The following CARNMT1 variants were observed in gnomAD, a reference collection of about 807,000 sequenced individuals.
The protein encoded by CARNMT1 is protein-L-histidine N-pros-methyltransferase CARNMT1.
Under a neutral mutation model 49.6 loss-of-function variants are expected in CARNMT1, and 28 were observed. The observed-to-expected ratio is 0.56, with a 90% CI of 0.42 to 0.77. CARNMT1 has a LOEUF of 0.77. Ranked by LOEUF, CARNMT1 falls within the 30% of genes least tolerant of loss-of-function variation. The probability of loss-of-function intolerance (pLI) is 0.00; values close to 1 mark genes in which losing one functional copy is unlikely to be tolerated. For missense variants in CARNMT1, 421 were observed against 512.6 expected, an observed-to-expected ratio of 0.82 and a Z score of 1.73; for synonymous variants, 178 against 175.0, an observed-to-expected ratio of 1.02 and a Z score of -0.13.
At chr9:74,985,071 A>G in intron 6 of CARNMT1, 61 bp from the exon 7 acceptor site, 1 of 1,244,140 alleles carries the variant, frequency 8.0e-7, no homozygotes, top group Non-Finnish European at 1.2e-6. Context: ...GCTGTGTTAC[A>G]CTGAATTCCA....
At position 74,996,407 on chromosome 9, in the gene CARNMT1, G is replaced by A. The variant is rs754525661; in HGVS notation, c.1024+40C>T. 6 of 1,013,682 alleles carry A rather than the reference G, an allele frequency of 5.9e-6. No homozygotes were observed. In the East Asian group the frequency reaches 1.4e-4, roughly 24 times the overall value. 62.8% of individuals were successfully genotyped at this position (1,013,682 alleles called of 1,614,324 possible). On this transcript the variant is annotated intron_variant, in intron 6 of 7. Coordinates refer to ENST00000376834, the MANE Select transcript of CARNMT1 (RefSeq NM_152420.3). ...AATGTAATACAGCTGTAAGTACTCA[G>A]ATTAATATACAAAATTTTAGTAAAT...
At position 74,999,133 on chromosome 9, in the gene CARNMT1, T is replaced by C. The variant is rs1306209890; in HGVS notation, c.732-357A>G. Among the ~76,000 whole-genome samples, 7 of 152,192 alleles carry C rather than the reference T, an allele frequency of 4.6e-5. No individual in the cohort carries two copies. The East Asian group carries it at 9.6e-4, about 21-fold the overall frequency. On this transcript the variant is annotated intron_variant, in intron 4 of 7. Coordinates refer to ENST00000376834, the MANE Select transcript of CARNMT1 (RefSeq NM_152420.3). ...GTTTGCTATTTTTTGTATAACCCTC[T>C]TCTTTTTTCCCTTTTTCACCAATCC...
intron 3 of CARNMT1, among the ~76,000 whole-genome samples, chr9:75,011,781 T>A (rs1191910614): frequency 1.3e-5 from 2 of 152,188 alleles, no homozygotes; most frequent in Non-Finnish European, 2.9e-5. Context: ...GGGTTGCCTC[T>A]AGGAGATGAG....
intron 3 of CARNMT1, among the ~76,000 whole-genome samples, chr9:75,009,060 CTTTTTTTTTTT>C (rs752851220): frequency 8.0e-6 from 1 of 125,516 alleles, no homozygotes; most frequent in Admixed American, 8.1e-5. Flanking sequence ...AAAGGACAGT[CTTTTTTTTTTT>C]TTTTTTTTTT....
chr9:75,025,683 A>G (rs900225409), intron 1 of CARNMT1, among the ~76,000 whole-genome samples: 2 of 152,170 alleles, frequency 1.3e-5, no homozygotes, highest in South Asian at 2.1e-4. Context: ...CAATTTTCCA[A>G]TATGTTTATT....
chr9:75,008,186 A>AC (rs1407602111), intron 3 of CARNMT1, among the ~76,000 whole-genome samples: 5 of 151,268 alleles, frequency 3.3e-5, no homozygotes, highest in African/African-American at 9.7e-5. Flanking sequence ...AAAAAAAAAA[A>AC]AAAAAAAAAA....
chr9:75,027,477 A>C, intron 1 of CARNMT1: 2 of 985,386 alleles, frequency 2.0e-6, no homozygotes, highest in South Asian at 9.4e-5. Flanking sequence ...GCTCACACAA[A>C]AGTGCAAGTG....
At chr9:74,987,475 T>C (rs993280256) in intron 6 of CARNMT1, among the ~76,000 whole-genome samples, 1 of 152,132 alleles carries the variant, frequency 6.6e-6, no homozygotes, top group African/African-American at 2.4e-5. Flanking sequence ...CAACAGTACA[T>C]GCAACAAAAT....
At chr9:75,012,768 AT>A (rs1018581767) in intron 3 of CARNMT1, among the ~76,000 whole-genome samples, 2 of 150,440 alleles carry the variant, frequency 1.3e-5, no homozygotes, top group Non-Finnish European at 3.0e-5. Flanking sequence ...AAAAAAAAAA[AT>A]TAGCCAGGCG....
At chr9:74,987,069 C>T (rs1423024340) in intron 6 of CARNMT1, among the ~76,000 whole-genome samples, 1 of 152,134 alleles carries the variant, frequency 6.6e-6, no homozygotes, top group East Asian at 1.9e-4. Context: ...TCTTGAAGGC[C>T]AGAGAATAAA....
intron 3 of CARNMT1, among the ~76,000 whole-genome samples, chr9:75,002,423 CCACTAACTA>C (rs1298059261): frequency 2.6e-5 from 4 of 152,188 alleles, no homozygotes; most frequent in African/African-American, 9.7e-5. Context: ...ACAGTAAAAG[CCACTAACTA>C]CATGTGGCTA....
intron 3 of CARNMT1, among the ~76,000 whole-genome samples, chr9:75,008,722 T>C (rs772499808): frequency 6.6e-6 from 1 of 152,208 alleles, no homozygotes; most frequent in Non-Finnish European, 1.5e-5. Context: ...ATGTGTAAGA[T>C]TTAACATTGT....
intron 1 of CARNMT1, among the ~76,000 whole-genome samples, chr9:75,020,370 C>T (rs185474363): frequency 1.0e-4 from 15 of 149,862 alleles, no homozygotes; most frequent in African/African-American, 2.4e-4. Flanking sequence ...CAGGTTCAAG[C>T]GACTCTCCTG....
At chr9:75,005,469 T>C (rs1427111117) in intron 3 of CARNMT1, among the ~76,000 whole-genome samples, 1 of 146,614 alleles carries the variant, frequency 6.8e-6, no homozygotes, top group Non-Finnish European at 1.5e-5. Flanking sequence ...TCATTAAGTA[T>C]ATGATCTTTT....
At chr9:75,013,889 TG>T (rs1185655597) in intron 3 of CARNMT1, among the ~76,000 whole-genome samples, 2 of 150,772 alleles carry the variant, frequency 1.3e-5, no homozygotes, top group Non-Finnish European at 2.9e-5. Context: ...GAGGAGTACT[TG>T]AGCCCAGGAG....
At chr9:75,020,108 T>A (rs1298573015) in intron 1 of CARNMT1, among the ~76,000 whole-genome samples, 2 of 152,152 alleles carry the variant, frequency 1.3e-5, no homozygotes, top group African/African-American at 4.8e-5. Context: ...AGAGACAGGA[T>A]AATGTGTTTT....
chr9:75,005,921 T>TA (rs1293446982), intron 3 of CARNMT1, among the ~76,000 whole-genome samples: 1 of 151,472 alleles, frequency 6.6e-6, no homozygotes, highest in Non-Finnish European at 1.5e-5. Context: ...AGCCTGAGTA[T>TA]AAAGACATTA....
At chr9:75,025,133 A>C (rs188369692) in intron 1 of CARNMT1, among the ~76,000 whole-genome samples, 104 of 152,356 alleles carry the variant, frequency 6.8e-4, no homozygotes, top group African/African-American at 2.1e-3. Flanking sequence ...AGTACATATC[A>C]AACAAATCAA....
At chr9:75,007,844 AG>A (rs897085684) in intron 3 of CARNMT1, among the ~76,000 whole-genome samples, 1 of 152,038 alleles carries the variant, frequency 6.6e-6, no homozygotes, top group Non-Finnish European at 1.5e-5. Flanking sequence ...TTTCTCCCTA[AG>A]AACAGAAACA....
Sources: allele counts gnomAD v4.1 joint callset (sites outside exome capture counted in the v4.1 genomes callset), GRCh38; gene constraint gnomAD v4.1.1; transcripts MANE v1.5; gene names NCBI Gene and HGNC (gene_info 2026-07-23, HGNC 2026-07-21).